KIF12: variants seen among roughly 807,000 people sequenced by gnomAD.
The protein encoded by KIF12 is kinesin-like protein KIF12.
In KIF12, 80 loss-of-function variants were observed where a neutral mutation model predicts 87.9. The observed-to-expected ratio is 0.91, with a 90% CI of 0.76 to 1.10. The LOEUF (loss-of-function observed/expected upper bound fraction) is 1.10, where lower values mean the gene tolerates loss of function less well. KIF12 is among the 50% of genes least tolerant of loss of function. The pLI, the probability that KIF12 is intolerant of heterozygous loss-of-function variation, is 0.00. For missense variants in KIF12, 819 were observed against 865.3 expected (o/e 0.95, Z 0.67); for synonymous variants, 353 against 348.5 (o/e 1.01, Z -0.14).
At chr9:114,099,212 T>G in intron 1 of KIF12, 39 bp downstream of exon 1, 2 of 1,550,992 alleles carry the variant, frequency 1.3e-6, no homozygotes, top group Non-Finnish European at 1.7e-6. Flanking sequence ...ACCTAGCGGC[T>G]GTTCAGGACT....
intron 5 of KIF12, 80 bp from the exon 6 acceptor site, chr9:114,097,821 C>A (rs1327279244): frequency 1.4e-6 from 2 of 1,462,666 alleles, no homozygotes; most frequent in Non-Finnish European, 9.2e-7. Flanking sequence ...TACCGTGCGC[C>A]GGGAAACGTG....
At chr9:114,097,555 G>A in intron 6 of KIF12, 52 bp downstream of exon 6, 1 of 1,606,858 alleles carries the variant, frequency 6.2e-7, no homozygotes, top group Non-Finnish European at 8.5e-7. Context: ...TCCCTGGAAA[G>A]AAGCGCTCCG....
In KIF12 at chr9:114,098,150, C is replaced by T. The variant is rs1158202420; in HGVS notation, c.340G>A (p.Gly114Arg). ...TVFTFGQTGS[G>R]KTYTLTGPPP... is the part of the protein sequence containing the mutation. ...GGTCCAGTCAGGGTGTAGGTCTTCC[C>T]AGAGCCCGTCTGGCCAAAGGTGAAA... The change falls in exon 5 of 19, where the codon GGG becomes AGG. Residue 114 changes from glycine to arginine, a missense_variant. Gly to Arg is a moderately radical substitution (Grantham distance 125). Transcript: ENST00000640217. 5.8e-6 allele frequency: 9 copies of T among 1,548,388 alleles called. No individual in the cohort carries two copies. Among genetic ancestry groups the T allele is most frequent in the Non-Finnish European group, 7.0e-6 (8 of 1,146,382 alleles).
chr9:114,092,239 C>G (rs1469750188), intron 18 of KIF12, 94 bp downstream of exon 18: 1 of 1,484,564 alleles, frequency 6.7e-7, no homozygotes, highest in Non-Finnish European at 9.0e-7. Flanking sequence ...AACACCCACC[C>G]CATTTCAGAG....
rs781557965 is a variant in KIF12 at position 114,092,020 on chromosome 9, G to A, written c.1817-20C>T. On this transcript the variant is annotated intron_variant, in intron 18 of 18. Transcript: ENST00000640217. ...CCCCACCTAAGGAGCAGTGAGACTCGAGGCCTGCCCTCTCCAGGGCCCTTC... is the reference window on the plus strand; with the variant it reads ...CCCCACCTAAGGAGCAGTGAGACTCAAGGCCTGCCCTCTCCAGGGCCCTTC... The A allele has an allele frequency of 2.0e-5, 32 of 1,603,858 alleles. No homozygotes were observed. Among genetic ancestry groups the A allele is most frequent in the African/African-American group, 2.7e-5 (2 of 74,644 alleles).
At chr9:114,095,176 C>T in intron 10 of KIF12, 38 bp downstream of exon 10, 3 of 1,611,354 alleles carry the variant, frequency 1.9e-6, no homozygotes, top group Non-Finnish European at 2.5e-6. Context: ...GCCCCTTCCT[C>T]AAGACCCAAC....
intron 3 of KIF12, among the ~76,000 whole-genome samples, 161 bp from the exon 4 acceptor site, chr9:114,098,590 C>G (rs558742375): frequency 9.8e-6 from 1 of 102,282 alleles, no homozygotes; most frequent in African/African-American, 3.8e-5. Context: ...CGGTGAGGCA[C>G]TCGGTGGGCG....
In KIF12 at chr9:114,096,231, G is replaced by A. The variant is rs184997854; in HGVS notation, c.739-24C>T. The A allele has an allele frequency of 6.4e-5, 103 of 1,613,078 alleles. No homozygotes were observed. In the Admixed American group the frequency reaches 1.7e-3, roughly 27 times the overall value. On this transcript the variant is annotated intron_variant, in intron 8 of 18. Transcript: ENST00000640217. ...GCCTGAGGGATCAGAGCTTCATGGG[G>A]ACTTGGGAGGGACCGTCCCCATCAA...
rs778073032 is a variant in KIF12 at position 114,096,489 on chromosome 9, A to G, written c.647-11T>C. 102 of 1,600,548 alleles carry G rather than the reference A, an allele frequency of 6.4e-5. No homozygotes were observed. Among genetic ancestry groups the G allele is most frequent in the South Asian group, 1.9e-4 (17 of 88,882 alleles). On this transcript the variant is annotated splice_polypyrimidine_tract_variant and intron_variant, in intron 7 of 18. Transcript: ENST00000640217. ...TTCGACGGCTGAGACCTGGAAGGGA[A>G]AAACATCAGGAGCTGGACCTGGTAG... is the stretch of plus-strand genomic sequence containing the variant.
At chr9:114,092,294 A>C (rs1349639105) in intron 18 of KIF12, 39 bp downstream of exon 18, 2 of 1,512,542 alleles carry the variant, frequency 1.3e-6, no homozygotes, top group Non-Finnish European at 8.9e-7. Context: ...CCAAGATCAC[A>C]GAGAACATTA....
chr9:114,097,463 G>T (rs747011764), intron 6 of KIF12, 27 bp from the exon 7 acceptor site: 1 of 1,582,554 alleles, frequency 6.3e-7, no homozygotes, highest in Non-Finnish European at 8.6e-7. Context: ...GAGGGTGAGG[G>T]AAGGGGATCT....
At chr9:114,093,051 GGGGA>G in intron 16 of KIF12, 174 bp downstream of exon 16, 2 of 1,176,112 alleles carry the variant, frequency 1.7e-6, no homozygotes, top group South Asian at 3.1e-5. Context: ...GGTGAGGAGG[GGGGA>G]GGGTGAGGCA....
intron 14 of KIF12, 140 bp from the exon 15 acceptor site, chr9:114,093,637 T>C (rs993776866): frequency 5.3e-6 from 4 of 758,974 alleles, no homozygotes; most frequent in East Asian, 5.4e-5. Flanking sequence ...TGTTAACTTA[T>C]TCTCTCTGAT....
chr9:114,093,381 C>A, intron 15 of KIF12, 26 bp downstream of exon 15: 3 of 1,556,638 alleles, frequency 1.9e-6, no homozygotes, highest in East Asian at 2.4e-5. Flanking sequence ...ACTTGTCACC[C>A]CTCCAGGCTG....
At chr9:114,092,122 C>T (rs1847022053) in intron 18 of KIF12, 122 bp from the exon 19 acceptor site, 4 of 1,433,394 alleles carry the variant, frequency 2.8e-6, no homozygotes, top group East Asian at 2.5e-5. Flanking sequence ...CTTCCCCCCA[C>T]CCCACCCCCA....
Position 114,096,390 on chromosome 9 carries a change from T to C in KIF12, c.735A>G (p.Gln245=). 1 of 1,612,672 alleles carries C rather than the reference T, an allele frequency of 6.2e-7. No individual in the cohort carries two copies. The highest frequency in any genetic ancestry group is 8.5e-7 in the Non-Finnish European group (1 of 1,179,462). The change falls in exon 8 of 19, where the codon CAA becomes CAG. Residue 245 remains glutamine, a synonymous_variant. Coordinates refer to ENST00000640217, the MANE Select transcript of KIF12 (RefSeq NM_001388308.1). ...HALLTLYISR[Q]TAQQMPSVDP... The stretch of plus-strand genomic sequence containing the variant: ...CTTCCCAGGCTGGAGCACTCACAGT[T>C]TGACGGCTGATGTAAAGGGTGAGCA...
At chr9:114,097,218 A>T in intron 7 of KIF12, 83 bp downstream of exon 7, 2 of 1,506,662 alleles carry the variant, frequency 1.3e-6, no homozygotes, top group South Asian at 1.3e-5. Flanking sequence ...CTGCAGCTGC[A>T]GTCTGGGCCC....
In KIF12 at chr9:114,093,448, G is replaced by C. The variant is rs1196877659; in HGVS notation, c.1450C>G (p.Pro484Ala). 3.2e-6 allele frequency: 5 copies of C among 1,570,318 alleles called. No homozygotes were observed. Among genetic ancestry groups the C allele is most frequent in the Non-Finnish European group, 4.3e-6 (5 of 1,157,438 alleles). ...YHHQQGPGLT[P>A]PCPCLMAPAP... is the part of the protein sequence containing the mutation. ...GGGGCCATCAAGCAGGGACACGGTG[G>C]GGTCAGGCCAGGACCCTGCTGGTGA... is the stretch of plus-strand genomic sequence containing the variant. The change falls in exon 15 of 19, where the codon CCA (proline) becomes GCA (alanine). Residue 484 changes from proline (P) to alanine (A), a missense_variant. Pro to Ala is a conservative substitution (Grantham distance 27). Transcript: ENST00000640217.
At position 114,091,833 on chromosome 9, in the gene KIF12, A is replaced by G. The variant is rs369472163; in HGVS notation, c.*28T>C. 2.8e-5 allele frequency: 44 copies of G among 1,570,460 alleles called. No individual in the cohort carries two copies. In the African/African-American group the frequency reaches 3.7e-4, roughly 13 times the overall value. On this transcript the variant is annotated 3_prime_UTR_variant, in exon 19 of 19. Transcript: ENST00000640217. The stretch of plus-strand genomic sequence containing the variant: ...TGTGGAGCCCAGTCTGAGGTCACAC[A>G]GCAGTCTCCTGGGTTCCCACTTGGC...
Sources: gnomAD v4.1 joint callset for allele counts (sites outside exome capture counted in the v4.1 genomes callset) on GRCh38, gnomAD v4.1.1 for gene constraint, MANE v1.5 for transcripts, NCBI Gene and HGNC (gene_info 2026-07-23, HGNC 2026-07-21) for gene names.